Variants in SEMA3A observed in about 807,000 individuals in gnomAD.
SEMA3A encodes the protein semaphorin 3A, also known as semaphorin-3A.
In SEMA3A, 29 loss-of-function variants were observed where a neutral mutation model predicts 97.9. The ratio of observed to expected loss-of-function variants is 0.30; its 90% CI spans 0.22 to 0.40. The LOEUF (loss-of-function observed/expected upper bound fraction) is 0.40. Among genes scored for constraint, SEMA3A ranks in the 10% least tolerant of loss-of-function variants. The pLI, the probability that SEMA3A is intolerant of heterozygous loss-of-function variation, is 1.00. For synonymous variants in SEMA3A, 321 were observed against 323.7 expected (o/e 0.99, Z 0.09); for missense variants, 763 against 951.3 (o/e 0.80, Z 2.60).
chr7:83,961,329 G>T lies in SEMA3A; in HGVS notation c.*42C>A. The T allele has an allele frequency of 1.3e-6, 2 of 1,494,292 alleles. No individual in the cohort carries two copies. The highest frequency in any genetic ancestry group is 1.9e-6 in the Non-Finnish European group (2 of 1,073,304). The allele number at this position is 1,494,292 out of a possible 1,614,324, so 92.6% of individuals were successfully genotyped here. A position where few individuals can be genotyped will look rare whatever the true frequency, so the allele number is the denominator to read the frequency against. On this transcript the variant is annotated 3_prime_UTR_variant, in exon 17 of 17. Transcript: ENST00000265362. ...CATTTGTTTTTCCAGTTATTGTCTA[G>T]GCAAGTTTCTACTTGTTTGAGGTTT...
At chr7:84,190,359 T>A (rs568445834) in intron 1 of SEMA3A, among the ~76,000 whole-genome samples, 2 of 151,842 alleles carry the variant, frequency 1.3e-5, no homozygotes, top group African/African-American at 4.8e-5. Flanking sequence ...TTCAGTGTGT[T>A]TAAATTCAAG....
chr7:84,111,990 C>T lies in SEMA3A; in HGVS notation c.334-1401G>A, dbSNP rs1029836180. 2.0e-5 allele frequency among the ~76,000 whole-genome samples: 3 copies of T among 152,120 alleles called. No individual in the cohort carries two copies. In the South Asian group the frequency reaches 6.2e-4, roughly 32 times the overall value. On this transcript the variant is annotated intron_variant, in intron 3 of 16. Transcript: ENST00000265362. ...TCTCCATTCTGTAAGAGTCTCTCCT[C>T]CTTCCCCAAGAGAATAGGGCATGAA...
intron 2 of SEMA3A, among the ~76,000 whole-genome samples, chr7:84,133,987 G>C (rs1256796686): frequency 1.3e-5 from 2 of 151,896 alleles, no homozygotes; most frequent in African/African-American, 4.8e-5. Flanking sequence ...GCGTGAACCT[G>C]GGAGGCAGAG....
chr7:84,489,811 T>G (rs374451207), intron 1 of SEMA3A, among the ~76,000 whole-genome samples: 1 of 152,136 alleles, frequency 6.6e-6, no homozygotes, highest in South Asian at 2.1e-4. Flanking sequence ...GAACATGAAG[T>G]TATTAAGTTA....
At chr7:84,094,785 TG>T (rs1439344325) in intron 4 of SEMA3A, among the ~76,000 whole-genome samples, 1 of 152,108 alleles carries the variant, frequency 6.6e-6, no homozygotes, top group African/African-American at 2.4e-5. Flanking sequence ...GAAATATTTT[TG>T]CTTTGAGTAT....
intron 3 of SEMA3A, among the ~76,000 whole-genome samples, chr7:84,205,191 A>C (rs938895642): frequency 6.6e-6 from 1 of 152,222 alleles, no homozygotes; most frequent in African/African-American, 2.4e-5. Flanking sequence ...TATTATGGGA[A>C]TATCTCCTGC....
At chr7:84,372,905 C>T (rs1256199966) in intron 1 of SEMA3A, among the ~76,000 whole-genome samples, 1 of 152,036 alleles carries the variant, frequency 6.6e-6, no homozygotes, top group Non-Finnish European at 1.5e-5. Flanking sequence ...AGCATATTTC[C>T]CCACTCTGGC....
rs1428988323 is a variant in SEMA3A at position 83,960,102 on chromosome 7, C to CT, written c.*1268dup. On this transcript the variant is annotated 3_prime_UTR_variant, in exon 17 of 17. Coordinates refer to ENST00000265362, the MANE Select transcript of SEMA3A (RefSeq NM_006080.3). ...TGATACAGATGTAAATGATTGGAAA[C>CT]TTTGCCTTTAACATGTTGCTCTGAA... 1 of 152,038 alleles carries CT rather than the reference C, an allele frequency of 6.6e-6. No homozygotes were observed. Among genetic ancestry groups the CT allele is most frequent in the Non-Finnish European group, 1.5e-5 (1 of 67,932 alleles). 9.4% of individuals were successfully genotyped at this position (152,038 alleles called of 1,614,324 possible).
intron 3 of SEMA3A, among the ~76,000 whole-genome samples, chr7:84,300,974 T>C (rs554520322): frequency 3.3e-5 from 5 of 152,144 alleles, no homozygotes; most frequent in Non-Finnish European, 7.4e-5. Context: ...GTATGTTCTC[T>C]GACCATAGAT....
intron 2 of SEMA3A, among the ~76,000 whole-genome samples, chr7:84,130,135 T>C (rs927186221): frequency 2.4e-4 from 37 of 152,212 alleles, no homozygotes; most frequent in African/African-American, 8.9e-4. Flanking sequence ...TTATGAATAG[T>C]TAATTTCAGT....
chr7:84,382,882 TCAAAA>T (rs1012475329), intron 1 of SEMA3A, among the ~76,000 whole-genome samples: 4 of 151,426 alleles, frequency 2.6e-5, no homozygotes, highest in African/African-American at 7.3e-5. Flanking sequence ...CATCTCCAAA[TCAAAA>T]CAAAACAAAA....
At chr7:84,408,193 C>G (rs1804157279) in intron 1 of SEMA3A, among the ~76,000 whole-genome samples, 1 of 151,978 alleles carries the variant, frequency 6.6e-6, no homozygotes, top group Non-Finnish European at 1.5e-5. Flanking sequence ...AACAAATTTA[C>G]AAGAAAAAAA....
chr7:84,356,035 T>A (rs969629640), intron 2 of SEMA3A, among the ~76,000 whole-genome samples: 1 of 151,944 alleles, frequency 6.6e-6, no homozygotes, highest in African/African-American at 2.4e-5. Flanking sequence ...ATTATACTAA[T>A]CTTTGCTACA....
chr7:84,111,505 T>A (rs961752286), intron 3 of SEMA3A, among the ~76,000 whole-genome samples: 1 of 152,188 alleles, frequency 6.6e-6, no homozygotes, highest in African/African-American at 2.4e-5. Context: ...AAAAGAAGGA[T>A]CAGGCAACCA....
intron 3 of SEMA3A, among the ~76,000 whole-genome samples, chr7:84,227,150 ATATC>A (rs1057301819): frequency 5.3e-5 from 8 of 151,620 alleles, no homozygotes; most frequent in Admixed American, 2.0e-4. Context: ...AGATATCTAT[ATATC>A]TATCTATATA....
At chr7:84,311,960 T>G (rs985545756) in intron 2 of SEMA3A, among the ~76,000 whole-genome samples, 3 of 151,898 alleles carry the variant, frequency 2.0e-5, no homozygotes, top group African/African-American at 7.2e-5. Flanking sequence ...TAAATTTTCA[T>G]GTATTTAAAA....
intron 1 of SEMA3A, among the ~76,000 whole-genome samples, chr7:84,144,154 A>AAAT (rs895892988): frequency 1.4e-4 from 22 of 151,896 alleles, no homozygotes; most frequent in Admixed American, 5.3e-4. Context: ...AGATATGAAA[A>AAAT]AATAATAATA....
intron 1 of SEMA3A, among the ~76,000 whole-genome samples, chr7:84,164,281 A>AT (rs1797136031): frequency 6.6e-6 from 1 of 152,192 alleles, no homozygotes. Context: ...GCCGTGACTT[A>AT]TCCTAAATTG....
chr7:84,472,770 A>G (rs2116413459), intron 1 of SEMA3A, among the ~76,000 whole-genome samples: 1 of 152,308 alleles, frequency 6.6e-6, no homozygotes, highest in South Asian at 2.1e-4. Context: ...ACATAATCCC[A>G]CTAAACCAAA....
Sources: gnomAD v4.1 joint callset for allele counts (sites outside exome capture counted in the v4.1 genomes callset) on GRCh38, gnomAD v4.1.1 for gene constraint, MANE v1.5 for transcripts, NCBI Gene and HGNC (gene_info 2026-07-23, HGNC 2026-07-21) for gene names.